Variants in HCLS1 observed in about 807,000 individuals in gnomAD.
HCLS1 encodes the protein hematopoietic lineage cell-specific protein.
In HCLS1, 44 loss-of-function variants were observed where a neutral mutation model predicts 68.6. The observed-to-expected ratio is 0.64, with a 90% CI of 0.50 to 0.82. The LOEUF (loss-of-function observed/expected upper bound fraction) is 0.82, where lower values mean the gene tolerates loss of function less well. Ranked by LOEUF, HCLS1 falls within the 40% of genes least tolerant of loss-of-function variation. HCLS1 has a pLI of 0.00. For synonymous variants in HCLS1, 217 were observed against 225.8 expected, an observed-to-expected ratio of 0.96 and a Z score of 0.35; for missense variants, 602 against 612.1, an observed-to-expected ratio of 0.98 and a Z score of 0.17.
intron 10 of HCLS1, among the ~76,000 whole-genome samples, chr3:121,633,634 C>A (rs1177304306): frequency 6.6e-6 from 1 of 152,112 alleles, no homozygotes; most frequent in Admixed American, 6.5e-5. Context: ...AACTCTTGGG[C>A]TCAAACAATC....
At chr3:121,634,457 T>C (rs1174399022) in intron 9 of HCLS1, 39 bp from the exon 10 acceptor site, 1 of 1,599,646 alleles carries the variant, frequency 6.3e-7, no homozygotes, top group Non-Finnish European at 8.6e-7. Context: ...TTGTCTTGGA[T>C]TGGAGAGTGG....
intron 6 of HCLS1, 134 bp from the exon 7 acceptor site, chr3:121,637,390 G>T: frequency 1.6e-6 from 1 of 624,540 alleles, no homozygotes; most frequent in South Asian, 1.9e-5. Flanking sequence ...TGAATACAGG[G>T]GAATTAAAGA....
chr3:121,657,301 A>G lies in HCLS1; in HGVS notation c.136T>C (p.Ser46Pro), dbSNP rs895313557. 6.2e-7 allele frequency: 1 copy of G among 1,613,632 alleles called. No individual in the cohort carries two copies. Among genetic ancestry groups the G allele is most frequent in the Non-Finnish European group, 8.5e-7 (1 of 1,179,860 alleles). Reference protein sequence around the residue: ...QRWGAKTIEGSGRTEHINIHQ... With the variant: ...QRWGAKTIEGPGRTEHINIHQ... Reference sequence around the variant, plus strand: ...TACTTGATGTGTTCTGTGCGTCCAGACCCCTCGATGGTCTTGGCTCCCCAT... The same window carrying G: ...TACTTGATGTGTTCTGTGCGTCCAGGCCCCTCGATGGTCTTGGCTCCCCAT... The change falls in exon 3 of 14, where the codon TCT (serine) becomes CCT (proline). Residue 46 changes from serine (S) to proline (P), a missense_variant. Coordinates refer to ENST00000314583, the MANE Select transcript of HCLS1 (RefSeq NM_005335.6).
rs140445778 is a variant in HCLS1 at position 121,634,355 on chromosome 3, C to G, written c.755G>C (p.Arg252Pro). Residue 252 changes from arginine (R) to proline (P), a missense_variant, in exon 10 of 14, where the codon CGA (arginine) becomes CCA (proline). Physicochemically the swap from Arg to Pro is moderately radical, Grantham distance 103 (BLOSUM62 -2). Coordinates refer to ENST00000314583, the MANE Select transcript of HCLS1 (RefSeq NM_005335.6). ...CTGCTGTGCCTTCTCCTCTTCCTCT[C>G]GCTTCCTCTTCTCCTCAGCCATGGA... ...FESMAEEKRK[R>P]EEEEKAQQVA... 3 of 1,614,126 alleles carry G rather than the reference C, an allele frequency of 1.9e-6. No homozygotes were observed. Among genetic ancestry groups the G allele is most frequent in the Admixed American group, 1.7e-5 (1 of 60,028 alleles).
At chr3:121,646,650 T>C (rs1392600473) in intron 4 of HCLS1, among the ~76,000 whole-genome samples, 1 of 118,416 alleles carries the variant, frequency 8.4e-6, no homozygotes, top group African/African-American at 3.3e-5. Flanking sequence ...TTATATTATA[T>C]ATACTTATAA....
At chr3:121,634,454 G>A (rs764567754) in intron 9 of HCLS1, 36 bp from the exon 10 acceptor site, 37 of 1,601,684 alleles carry the variant, frequency 2.3e-5, no homozygotes, top group Non-Finnish European at 3.1e-5. Context: ...GGGTTGTCTT[G>A]GATTGGAGAG....
At chr3:121,660,339 C>G (rs1231871931) in intron 1 of HCLS1, among the ~76,000 whole-genome samples, 1 of 152,198 alleles carries the variant, frequency 6.6e-6, no homozygotes, top group Non-Finnish European at 1.5e-5. Flanking sequence ...GAAACTAGCC[C>G]CAGCAGAACA....
At chr3:121,633,630 T>A (rs1224292022) in intron 10 of HCLS1, among the ~76,000 whole-genome samples, 1 of 152,140 alleles carries the variant, frequency 6.6e-6, no homozygotes, top group Non-Finnish European at 1.5e-5. Context: ...CTCAAACTCT[T>A]GGGCTCAAAC....
chr3:121,631,753 TG>T lies in HCLS1; in HGVS notation c.*92del. 1 of 1,394,046 alleles carries T rather than the reference TG, an allele frequency of 7.2e-7. No homozygotes were observed. The highest frequency in any genetic ancestry group is 1.0e-6 in the Non-Finnish European group (1 of 1,001,174). The allele number at this position is 1,394,046 out of a possible 1,614,324, so 86.4% of individuals were successfully genotyped here. A position where few individuals can be genotyped will look rare whatever the true frequency, so the allele number is the denominator to read the frequency against. On this transcript the variant is annotated 3_prime_UTR_variant, in exon 14 of 14. Coordinates refer to ENST00000314583, the MANE Select transcript of HCLS1 (RefSeq NM_005335.6). ...AGGGAAGTCTGTCCAGAACCTCATCTGGTTAGACATTTGCAGCAGGAATAGG... is the reference window on the plus strand; with the variant it reads ...AGGGAAGTCTGTCCAGAACCTCATCTGTTAGACATTTGCAGCAGGAATAGG...
intron 6 of HCLS1, among the ~76,000 whole-genome samples, chr3:121,640,586 A>C (rs1225070988): frequency 6.6e-6 from 1 of 151,856 alleles, no homozygotes; most frequent in East Asian, 1.9e-4. Context: ...ATAATGTCTT[A>C]TGGAAAATGA....
intron 12 of HCLS1, 28 bp from the exon 13 acceptor site, chr3:121,632,212 A>T (rs2049104588): frequency 6.2e-7 from 1 of 1,611,436 alleles, no homozygotes; most frequent in Non-Finnish European, 8.5e-7. Flanking sequence ...CAAACATGGG[A>T]TCATCAACAT....
At chr3:121,642,655 A>G (rs2049211739) in intron 6 of HCLS1, among the ~76,000 whole-genome samples, 1 of 152,098 alleles carries the variant, frequency 6.6e-6, no homozygotes, top group Non-Finnish European at 1.5e-5. Context: ...GCACACTTGT[A>G]GTCACAGCTA....
chr3:121,635,639 C>A, intron 9 of HCLS1, 96 bp downstream of exon 9: 1 of 951,086 alleles, frequency 1.1e-6, no homozygotes. Context: ...CTCAGCTAAT[C>A]TAGGTAGTTA....
At position 121,637,269 on chromosome 3, in the gene HCLS1, G is replaced by A. The variant is rs1330737577; in HGVS notation, c.455-13C>T. On this transcript the variant is annotated splice_polypyrimidine_tract_variant and intron_variant, in intron 6 of 13. Coordinates refer to ENST00000314583, the MANE Select transcript of HCLS1 (RefSeq NM_005335.6). ...CCACGAGAGTAATCTGTGGTCGAAG[G>A]AGCAGTCATGAGAGCCCACCCTTAG... The A allele has an allele frequency of 1.3e-6, 2 of 1,576,176 alleles. No individual in the cohort carries two copies. The highest frequency in any genetic ancestry group is 1.3e-5 in the African/African-American group (1 of 74,308).
intron 6 of HCLS1, among the ~76,000 whole-genome samples, chr3:121,641,664 G>C (rs1311330275): frequency 6.6e-6 from 1 of 152,170 alleles, no homozygotes; most frequent in Non-Finnish European, 1.5e-5. Flanking sequence ...CACTCAGGAA[G>C]AGATTGTGAT....
At chr3:121,658,501 T>C (rs1412466908) in intron 1 of HCLS1, among the ~76,000 whole-genome samples, 154 bp from the exon 2 acceptor site, 1 of 151,260 alleles carries the variant, frequency 6.6e-6, no homozygotes, top group Non-Finnish European at 1.5e-5. Context: ...CAAATGGGAG[T>C]TGTAGGAAGG....
chr3:121,658,095 G>A (rs1030904812), intron 2 of HCLS1, 169 bp downstream of exon 2: 1 of 608,750 alleles, frequency 1.6e-6, no homozygotes, highest in Non-Finnish European at 3.0e-6. Context: ...CAGGTATCGT[G>A]CATGCCCCAC....
chr3:121,660,272 C>T (rs1432748094), intron 1 of HCLS1, among the ~76,000 whole-genome samples: 1 of 152,194 alleles, frequency 6.6e-6, no homozygotes, highest in Non-Finnish European at 1.5e-5. Context: ...GTTAACGTAG[C>T]TCATCTGTGG....
chr3:121,660,169 A>G (rs1648375431), intron 1 of HCLS1, among the ~76,000 whole-genome samples: 2 of 152,200 alleles, frequency 1.3e-5, no homozygotes, highest in South Asian at 4.1e-4. Flanking sequence ...CTCATTTGCC[A>G]GGTATCAGAC....
Sources: allele counts gnomAD v4.1 joint callset (sites outside exome capture counted in the v4.1 genomes callset), GRCh38; gene constraint gnomAD v4.1.1; transcripts MANE v1.5; gene names NCBI Gene and HGNC (gene_info 2026-07-23, HGNC 2026-07-21).